The following ARB2A variants were observed in gnomAD, a reference collection of about 807,000 sequenced individuals.
ARB2A encodes cotranscriptional regulator ARB2A.
the ARB2A span, among the ~76,000 whole-genome samples, chr5:93,751,763 G>C: frequency 1.3e-5 from 2 of 152,162 alleles, no homozygotes; most frequent in Middle Eastern, 3.2e-3. Flanking sequence ...TATGTTTTGG[G>C]AATATTTTGG....
the ARB2A span, among the ~76,000 whole-genome samples, chr5:93,979,702 T>C: frequency 1.3e-5 from 2 of 152,138 alleles, no homozygotes; most frequent in African/African-American, 4.8e-5. Context: ...GCAGGTTTTA[T>C]TCTTTGTAGT....
chr5:94,037,550 T>C, the ARB2A span, among the ~76,000 whole-genome samples: 2 of 152,180 alleles, frequency 1.3e-5, no homozygotes, highest in Admixed American at 6.5e-5. Context: ...TATAAAATAA[T>C]ATCGCATCTA....
the ARB2A span, chr5:93,781,754 A>T: frequency 2.8e-6 from 1 of 353,948 alleles, no homozygotes; most frequent in Non-Finnish European, 3.9e-6. Flanking sequence ...TTTTGGTTTT[A>T]ATTTGCATTT....
the ARB2A span, among the ~76,000 whole-genome samples, chr5:93,703,272 C>T: frequency 6.6e-6 from 1 of 152,190 alleles, no homozygotes; most frequent in Non-Finnish European, 1.5e-5. Flanking sequence ...CGTTCTCTGG[C>T]GAGTGTCGGC....
At chr5:93,773,509 C>T in the ARB2A span, among the ~76,000 whole-genome samples, 1 of 152,204 alleles carries the variant, frequency 6.6e-6, no homozygotes, top group Non-Finnish European at 1.5e-5. Context: ...CCAAACTCTT[C>T]GAGAATGAAA....
At chr5:94,066,281 AGAGAAGAAAAAAC>A in the ARB2A span, among the ~76,000 whole-genome samples, 4 of 152,124 alleles carry the variant, frequency 2.6e-5, no homozygotes, top group Admixed American at 2.0e-4. Flanking sequence ...ACCTCAATGA[AGAGAAGAAAAAAC>A]CAAACCCAAA....
chr5:93,898,467 T>A, the ARB2A span, among the ~76,000 whole-genome samples: 2 of 152,058 alleles, frequency 1.3e-5, no homozygotes, highest in Non-Finnish European at 2.9e-5. Context: ...TCTTTCATTC[T>A]CAACCTTCCT....
chr5:93,832,199 G>A, the ARB2A span, among the ~76,000 whole-genome samples: 1 of 152,110 alleles, frequency 6.6e-6, no homozygotes, highest in African/African-American at 2.4e-5. Flanking sequence ...TTTGGAATAT[G>A]GCGTGTTAAC....
chr5:94,081,660 T>C, the ARB2A span, among the ~76,000 whole-genome samples: 1 of 152,026 alleles, frequency 6.6e-6, no homozygotes, highest in African/African-American at 2.4e-5. Flanking sequence ...TCCATAGAAA[T>C]AGGAAGTTGA....
the ARB2A span, among the ~76,000 whole-genome samples, chr5:93,783,566 T>C: frequency 2.0e-5 from 3 of 152,112 alleles, no homozygotes; most frequent in African/African-American, 7.2e-5. Context: ...TAAGAAAAAC[T>C]GGAAGAAAAC....
the ARB2A span, among the ~76,000 whole-genome samples, chr5:94,085,061 A>G: frequency 6.6e-6 from 1 of 152,070 alleles, no homozygotes; most frequent in Non-Finnish European, 1.5e-5. Flanking sequence ...ATTCTTATTC[A>G]TGTTTCTGGT....
At chr5:94,053,332 A>T in the ARB2A span, 1,385 of 641,382 alleles carry the variant, frequency 2.2e-3, 3 homozygotes, top group Middle Eastern at 0.014. Flanking sequence ...ATTAATTTTT[A>T]TGTGTTGCTT....
chr5:93,741,341 A>T, the ARB2A span: 1 of 1,611,554 alleles, frequency 6.2e-7, no homozygotes, highest in Non-Finnish European at 8.5e-7. Context: ...GGTGCTATCC[A>T]GCCCCGGAAT....
chr5:94,057,587 T>A, the ARB2A span, among the ~76,000 whole-genome samples: 1 of 152,228 alleles, frequency 6.6e-6, no homozygotes, highest in African/African-American at 2.4e-5. Context: ...CCATTTGGCA[T>A]CTTTATTTTT....
chr5:94,050,811 T>G, the ARB2A span: 3 of 1,611,658 alleles, frequency 1.9e-6, no homozygotes, highest in African/African-American at 4.0e-5. Flanking sequence ...TCCCCAGTTT[T>G]TATGTGTCTT....
the ARB2A span, among the ~76,000 whole-genome samples, chr5:93,789,467 G>A: frequency 1.7e-4 from 26 of 152,144 alleles, no homozygotes; most frequent in Admixed American, 3.9e-4. Context: ...TGTTTCAAAG[G>A]CTTGAAAAGT....
chr5:93,771,965 A>C, the ARB2A span, among the ~76,000 whole-genome samples: 13 of 152,154 alleles, frequency 8.5e-5, no homozygotes, highest in East Asian at 3.9e-4. Flanking sequence ...GGTATATACC[A>C]AAAGGACTAT....
chr5:94,091,813 TAG>T, the ARB2A span, among the ~76,000 whole-genome samples: 1 of 152,224 alleles, frequency 6.6e-6, no homozygotes, highest in Admixed American at 6.5e-5. Context: ...TGTAACATTA[TAG>T]AGAGTATAAT....
At chr5:93,888,622 G>A in the ARB2A span, among the ~76,000 whole-genome samples, 1 of 151,664 alleles carries the variant, frequency 6.6e-6, no homozygotes, top group African/African-American at 2.4e-5. Context: ...GTAGCCACAT[G>A]GGCTTTCAAA....
Sources: allele counts gnomAD v4.1 joint callset (sites outside exome capture counted in the v4.1 genomes callset), GRCh38; gene constraint gnomAD v4.1.1; transcripts MANE v1.5; gene names NCBI Gene and HGNC (gene_info 2026-07-23, HGNC 2026-07-21).